MON2: variants seen among roughly 807,000 people sequenced by gnomAD.
The protein encoded by MON2 is protein MON2 homolog.
A neutral mutation model predicts 208.6 loss-of-function variants in MON2; 84 were observed. The ratio of observed to expected loss-of-function variants is 0.40; its 90% CI spans 0.34 to 0.48. The LOEUF (loss-of-function observed/expected upper bound fraction) is 0.48. Among genes scored for constraint, MON2 ranks in the 20% least tolerant of loss-of-function variants. MON2 has a pLI of 0.59. For missense variants in MON2, 1,611 were observed against 2,015.4 expected, an observed-to-expected ratio of 0.80 and a Z score of 3.84; for synonymous variants, 660 against 694.0, an observed-to-expected ratio of 0.95 and a Z score of 0.77.
chr12:62,579,023 A>T (rs1191491643), intron 31 of MON2, among the ~76,000 whole-genome samples: 2 of 151,792 alleles, frequency 1.3e-5, no homozygotes, highest in Non-Finnish European at 2.9e-5. Context: ...ATTGCTTGAG[A>T]CCAGGAGTTT....
chr12:62,577,818 CTGT>C (rs1332680750), intron 30 of MON2, among the ~76,000 whole-genome samples: 2 of 152,054 alleles, frequency 1.3e-5, no homozygotes, highest in Non-Finnish European at 2.9e-5. Context: ...TAGTATCTTG[CTGT>C]TTTTTAACTT....
chr12:62,572,625 T>G (rs537516909), intron 30 of MON2, among the ~76,000 whole-genome samples: 16 of 152,242 alleles, frequency 1.1e-4, no homozygotes, highest in Admixed American at 2.6e-4. Context: ...TTAAAATTTT[T>G]TGTAGAGATG....
intron 1 of MON2, among the ~76,000 whole-genome samples, chr12:62,481,958 C>T (rs1044939103): frequency 2.0e-5 from 3 of 152,140 alleles, no homozygotes; most frequent in Admixed American, 6.5e-5. Flanking sequence ...CTCATGCCAG[C>T]GTGACCGTTA....
rs187455294 is a variant in MON2, at chr12:62,495,246, A to G, written c.435+99A>G. 1.2e-5 allele frequency: 12 copies of G among 1,010,826 alleles called. No homozygotes were observed. The East Asian group carries it at 1.8e-4, about 15-fold the overall frequency. The allele number at this position is 1,010,826 out of a possible 1,614,324, so 62.6% of individuals were successfully genotyped here. On this transcript the variant is annotated intron_variant, in intron 4 of 34. Coordinates refer to ENST00000393630, the MANE Select transcript of MON2 (RefSeq NM_015026.3). ...CTTGGTGCCATTTGAACCAAAAGCA[A>G]CTTCCCTACAGCTATGGTGATGATT...
At chr12:62,583,004 A>G (rs965391398) in intron 32 of MON2, among the ~76,000 whole-genome samples, 2 of 152,196 alleles carry the variant, frequency 1.3e-5, no homozygotes, top group African/African-American at 4.8e-5. Context: ...AGATAAAAGA[A>G]CAATTTAAAA....
At chr12:62,590,435 T>A (rs1456727620) in intron 34 of MON2, among the ~76,000 whole-genome samples, 3 of 152,164 alleles carry the variant, frequency 2.0e-5, no homozygotes, top group Non-Finnish European at 2.9e-5. Context: ...TTATTTAAAA[T>A]TTTAAATAGG....
At chr12:62,590,910 C>T (rs1016076775) in intron 34 of MON2, among the ~76,000 whole-genome samples, 7 of 152,238 alleles carry the variant, frequency 4.6e-5, no homozygotes, top group African/African-American at 1.2e-4. Flanking sequence ...CCGCCTTGGC[C>T]TCCCAAAGTG....
chr12:62,515,552 A>G (rs570053389), intron 8 of MON2, among the ~76,000 whole-genome samples: 1 of 152,196 alleles, frequency 6.6e-6, no homozygotes, highest in Non-Finnish European at 1.5e-5. Context: ...GCAGTGGTGC[A>G]TGCCTGTAAT....
In MON2 at chr12:62,537,496, A is replaced by G. The variant is rs910583234; in HGVS notation, c.2014-106A>G. 2.1e-5 allele frequency: 18 copies of G among 874,338 alleles called. No individual in the cohort carries two copies. The Admixed American group carries it at 2.8e-4, about 14-fold the overall frequency. 54.2% of individuals were successfully genotyped at this position (874,338 alleles called of 1,614,324 possible). ...TAAAACCTTCCAAATCTTTTTCTTA[A>G]TTTTTTCTTTAAAAAAATCTTTTAA... is the stretch of plus-strand genomic sequence containing the variant. On this transcript the variant is annotated intron_variant, in intron 15 of 34. Coordinates refer to ENST00000393630, the MANE Select transcript of MON2 (RefSeq NM_015026.3).
At chr12:62,584,201 T>A (rs897131920) in intron 32 of MON2, among the ~76,000 whole-genome samples, 1 of 152,124 alleles carries the variant, frequency 6.6e-6, no homozygotes, top group Non-Finnish European at 1.5e-5. Flanking sequence ...CCCCCTGAAT[T>A]TCTGATTCAG....
chr12:62,585,733 G>A (rs917959055), intron 33 of MON2: 1 of 333,154 alleles, frequency 3.0e-6, no homozygotes, highest in Non-Finnish European at 5.5e-6. Flanking sequence ...TGTAACATAT[G>A]ATACATAGGT....
chr12:62,509,499 A>T (rs956547929), intron 8 of MON2, among the ~76,000 whole-genome samples: 2 of 152,176 alleles, frequency 1.3e-5, no homozygotes, highest in Non-Finnish European at 2.9e-5. Flanking sequence ...CAGACATAAG[A>T]CTAATAAGGA....
intron 8 of MON2, among the ~76,000 whole-genome samples, chr12:62,517,218 G>C (rs1281278045): frequency 1.3e-5 from 2 of 152,130 alleles, no homozygotes; most frequent in Non-Finnish European, 2.9e-5. Context: ...ACTATAGGAA[G>C]AGAAAACAGT....
chr12:62,512,120 G>T (rs1002994596), intron 8 of MON2, among the ~76,000 whole-genome samples: 2 of 152,148 alleles, frequency 1.3e-5, no homozygotes, highest in Non-Finnish European at 2.9e-5. Flanking sequence ...TTCAAGATGA[G>T]ATTTGGGTGG....
intron 8 of MON2, among the ~76,000 whole-genome samples, chr12:62,511,155 T>C (rs901178280): frequency 2.6e-5 from 4 of 152,296 alleles, no homozygotes; most frequent in African/African-American, 4.8e-5. Context: ...ATTAAAAGAC[T>C]TAAAATTGTT....
chr12:62,586,953 T>TA (rs1233959630), intron 33 of MON2, among the ~76,000 whole-genome samples: 5 of 152,142 alleles, frequency 3.3e-5, no homozygotes, highest in Non-Finnish European at 5.9e-5. Context: ...AATTGTTTTG[T>TA]AAAAAGCTAC....
At position 62,593,690 on chromosome 12, in the gene MON2, C is replaced by T. The variant is rs1295355137; in HGVS notation, c.*941C>T. 6.6e-6 allele frequency: 1 copy of T among 152,354 alleles called. No homozygotes were observed. The highest frequency in any genetic ancestry group is 6.6e-5 in the Admixed American group (1 of 15,260). The allele number at this position is 152,354 out of a possible 1,614,324, so 9.4% of individuals were successfully genotyped here. ...AGACTTTTCATATTTTATATTTCTA[C>T]TGATTTTGTTTCCCCTAACAACATT... is the stretch of plus-strand genomic sequence containing the variant. On this transcript the variant is annotated 3_prime_UTR_variant, in exon 35 of 35. Transcript: ENST00000393630.
chr12:62,480,616 A>G (rs1296802814), intron 1 of MON2, among the ~76,000 whole-genome samples: 1 of 152,186 alleles, frequency 6.6e-6, no homozygotes, highest in East Asian at 1.9e-4. Flanking sequence ...TGTTTGCATA[A>G]AGATATTTAT....
chr12:62,511,955 A>G (rs944513958), intron 8 of MON2, among the ~76,000 whole-genome samples: 1 of 152,050 alleles, frequency 6.6e-6, no homozygotes, highest in Admixed American at 6.5e-5. Context: ...CACATCTCAC[A>G]TGGCGGCAGA....
Sources: allele counts gnomAD v4.1 joint callset (sites outside exome capture counted in the v4.1 genomes callset), GRCh38; gene constraint gnomAD v4.1.1; transcripts MANE v1.5; gene names NCBI Gene and HGNC (gene_info 2026-07-23, HGNC 2026-07-21).